The following KCNJ15 variants were observed in gnomAD, a reference collection of about 807,000 sequenced individuals.
KCNJ15 encodes the protein potassium inwardly rectifying channel subfamily J member 15.
Under a neutral mutation model 23.0 loss-of-function variants are expected in KCNJ15, and 14 were observed. The ratio of observed to expected loss-of-function variants is 0.61; its 90% CI spans 0.40 to 0.95. The LOEUF (loss-of-function observed/expected upper bound fraction) is 0.95. Ranked by LOEUF, KCNJ15 falls within the 40% of genes least tolerant of loss-of-function variation. The pLI, the probability that KCNJ15 is intolerant of heterozygous loss-of-function variation, is 0.00. For missense variants in KCNJ15, 388 were observed against 461.8 expected (o/e 0.84, Z 1.46); for synonymous variants, 185 against 183.2 (o/e 1.01, Z -0.08).
intron 1 of KCNJ15, among the ~76,000 whole-genome samples, chr21:38,285,154 C>G (rs4817936): frequency 0.81 from 123,589 of 152,274 alleles, 50,770 homozygotes; most frequent in African/African-American, 0.95. Flanking sequence ...TGCCCACTTA[C>G]GAGAATGAAG....
chr21:38,281,280 AT>A (rs1332571195), intron 1 of KCNJ15, among the ~76,000 whole-genome samples: 1 of 152,066 alleles, frequency 6.6e-6, no homozygotes, highest in Admixed American at 6.6e-5. Flanking sequence ...TATTTTATTT[AT>A]TTTTTTCAAC....
chr21:38,284,421 C>T (rs575718976), intron 1 of KCNJ15, among the ~76,000 whole-genome samples: 76 of 152,236 alleles, frequency 5.0e-4, no homozygotes, highest in Non-Finnish European at 9.3e-4. Flanking sequence ...CTGTTGGAGA[C>T]GCCTGTTGAC....
At chr21:38,267,529 G>C (rs2123631867) in intron 1 of KCNJ15, among the ~76,000 whole-genome samples, 1 of 152,324 alleles carries the variant, frequency 6.6e-6, no homozygotes, top group East Asian at 1.9e-4. Context: ...GAGGCAGATA[G>C]ATGAGCAATG....
At chr21:38,238,661 G>T in intron 1 of KCNJ15, 1 of 543,924 alleles carries the variant, frequency 1.8e-6, no homozygotes. Flanking sequence ...TTGGCGCTGG[G>T]CTCTGGAGAC....
At chr21:38,288,278 T>G (rs986944150) in intron 1 of KCNJ15, among the ~76,000 whole-genome samples, 1 of 151,890 alleles carries the variant, frequency 6.6e-6, no homozygotes, top group Non-Finnish European at 1.5e-5. Context: ...CCTGACCTTG[T>G]GATCCGCCTG....
intron 1 of KCNJ15, among the ~76,000 whole-genome samples, chr21:38,268,550 GAAAAAA>G (rs576709021): frequency 4.2e-5 from 2 of 47,232 alleles, no homozygotes; most frequent in African/African-American, 5.2e-5. Flanking sequence ...CTTAAAATCT[GAAAAAA>G]AAAAAAAAAA....
intron 1 of KCNJ15, among the ~76,000 whole-genome samples, chr21:38,275,800 C>G (rs1221679357): frequency 6.6e-6 from 1 of 152,154 alleles, no homozygotes; most frequent in Non-Finnish European, 1.5e-5. Context: ...CTTTGCCACC[C>G]CATAGTTTTG....
At chr21:38,247,526 ATGGATG>A (rs1979517696) in intron 1 of KCNJ15, among the ~76,000 whole-genome samples, 16 of 19,680 alleles carry the variant, frequency 8.1e-4, no homozygotes, top group African/African-American at 4.1e-3. Context: ...GCATAGGTGG[ATGGATG>A]GATGGATGGA....
At chr21:38,241,482 G>A (rs1183263823) in intron 1 of KCNJ15, among the ~76,000 whole-genome samples, 3 of 152,192 alleles carry the variant, frequency 2.0e-5, no homozygotes, top group African/African-American at 2.4e-5. Flanking sequence ...ACAGCACGGT[G>A]GAATTTTCAT....
At chr21:38,288,180 A>G (rs9976658) in intron 1 of KCNJ15, among the ~76,000 whole-genome samples, 98,656 of 150,144 alleles carry the variant, frequency 0.66, 33,039 homozygotes, top group Non-Finnish European at 0.73. Flanking sequence ...AGCTGGGACT[A>G]CAGGCACCTG....
intron 1 of KCNJ15, among the ~76,000 whole-genome samples, chr21:38,249,319 T>C (rs1411142606): frequency 1.3e-5 from 2 of 152,212 alleles, no homozygotes; most frequent in Non-Finnish European, 2.9e-5. Context: ...AGGTGATATA[T>C]GTTATTTACT....
At chr21:38,250,468 G>C (rs1979748601) in intron 1 of KCNJ15, among the ~76,000 whole-genome samples, 1 of 152,172 alleles carries the variant, frequency 6.6e-6, no homozygotes, top group Non-Finnish European at 1.5e-5. Context: ...CTCTTCCAGA[G>C]GCCAAGAACT....
At chr21:38,275,312 C>T (rs2123660268) in intron 1 of KCNJ15, among the ~76,000 whole-genome samples, 1 of 152,192 alleles carries the variant, frequency 6.6e-6, no homozygotes, top group South Asian at 2.1e-4. Flanking sequence ...TTCAGTTTAA[C>T]CCGCATCACC....
chr21:38,299,877 C>T lies in KCNJ15; in HGVS notation c.616C>T (p.Leu206Phe), dbSNP rs201968403. Residue 206 changes from leucine to phenylalanine, a missense_variant, in exon 3 of 3, where the codon CTC (leucine) becomes TTC (phenylalanine). Leu to Phe is a conservative substitution (Grantham distance 22). Coordinates refer to ENST00000398938, the MANE Select transcript of KCNJ15 (RefSeq NM_170736.3). This position sits in a 1 kb window ranked among gnomAD's most constrained non-coding sequence, Gnocchi z 4.5. ...VIQVANMRKS[L>F]LIQCQLSGKL... Reference sequence around the variant, plus strand: ...TCAGGTAGCCAATATGAGGAAGAGCCTCTTGATTCAGTGCCAGCTCTCTGG... The same window carrying T: ...TCAGGTAGCCAATATGAGGAAGAGCTTCTTGATTCAGTGCCAGCTCTCTGG... 6.1e-5 allele frequency: 98 copies of T among 1,613,896 alleles called. No homozygotes were observed. The highest frequency in any genetic ancestry group is 2.5e-5 in the Non-Finnish European group (29 of 1,180,020).
intron 1 of KCNJ15, among the ~76,000 whole-genome samples, chr21:38,274,965 C>T (rs1190635881): frequency 6.6e-6 from 1 of 152,152 alleles, no homozygotes; most frequent in Non-Finnish European, 1.5e-5. Flanking sequence ...TCAATTTCCA[C>T]CTCCAGCCCC....
chr21:38,290,339 A>G (rs1191791068), intron 1 of KCNJ15, among the ~76,000 whole-genome samples: 1 of 118,512 alleles, frequency 8.4e-6, no homozygotes, highest in Non-Finnish European at 1.7e-5. Flanking sequence ...TGCAAACCAC[A>G]TTTAGAGATG....
chr21:38,252,041 A>C (rs1303882051), upstream of KCNJ15, among the ~76,000 whole-genome samples: 1 of 152,172 alleles, frequency 6.6e-6, no homozygotes, highest in African/African-American at 2.4e-5. Flanking sequence ...TACTTCTCCC[A>C]AGGGAAAGCT....
chr21:38,278,327 A>C (rs1008192511), intron 1 of KCNJ15, among the ~76,000 whole-genome samples: 1 of 152,184 alleles, frequency 6.6e-6, no homozygotes, highest in Non-Finnish European at 1.5e-5. Flanking sequence ...GTCAGACTAC[A>C]ATCTTAAACA....
At position 38,239,110 on chromosome 21, in the gene KCNJ15, T is replaced by C. The variant is rs115314450; in HGVS notation, c.-398-17936T>C. On this transcript the variant is annotated intron_variant, in intron 1 of 4. Transcript: ENST00000547341. ...AGGAGGAAGAAAAGATCTATGTTTA[T>C]GGTGCTGATGGAGAAGCATTCAGAA... is the stretch of plus-strand genomic sequence containing the variant. Among the ~76,000 whole-genome samples the C allele has an allele frequency of 2.4e-3, 361 of 152,342 alleles. 2 individuals are homozygous for C. Among genetic ancestry groups the C allele is most frequent in the African/African-American group, 8.5e-3 (352 of 41,580 alleles).
Sources: allele counts gnomAD v4.1 joint callset (sites outside exome capture counted in the v4.1 genomes callset), GRCh38; gene constraint gnomAD v4.1.1; non-coding constraint Gnocchi (gnomAD v3.1); transcripts MANE v1.5; gene names NCBI Gene and HGNC (gene_info 2026-07-23, HGNC 2026-07-21).